The following OTUB2 variants were observed in gnomAD, a reference collection of about 807,000 sequenced individuals.
OTUB2 encodes OTU deubiquitinase, ubiquitin aldehyde binding 2.
A neutral mutation model predicts 25.1 loss-of-function variants in OTUB2; 21 were observed. The observed-to-expected ratio is 0.84, with a 90% confidence interval of 0.59 to 1.21. The LOEUF (loss-of-function observed/expected upper bound fraction) is 1.21. Among genes scored for constraint, OTUB2 ranks in the 50% most tolerant of loss-of-function variants. The pLI, the probability that OTUB2 is intolerant of heterozygous loss-of-function variation, is 0.00. For missense variants in OTUB2, 283 were observed against 298.0 expected (o/e 0.95, Z 0.37); for synonymous variants, 122 against 122.8 (o/e 0.99, Z 0.04).
chr14:94,041,932 C>T (rs200253389), intron 3 of OTUB2, among the ~76,000 whole-genome samples: 1 of 42,506 alleles, frequency 2.4e-5, no homozygotes, highest in African/African-American at 1.5e-4. Context: ...GGAACACTGA[C>T]CTGGGGTGTT....
chr14:94,044,170 T>C (rs939837080), intron 4 of OTUB2, 115 bp downstream of exon 4: 1 of 1,083,818 alleles, frequency 9.2e-7, no homozygotes, highest in Non-Finnish European at 1.4e-6. Context: ...GGACAGAGGG[T>C]TCCTTCCTGC....
chr14:94,038,246 G>A lies in OTUB2; in HGVS notation c.100-717G>A, dbSNP rs562213701. Among the ~76,000 whole-genome samples the A allele has an allele frequency of 1.2e-3, 177 of 152,332 alleles. 1 individual carries two copies. The highest frequency in any genetic ancestry group is 3.8e-3 in the African/African-American group (160 of 41,572). ...CATCATGTGATCCGAACGCCGCTGC[G>A]GGGCACTTCCAGGGAAGGAGCTGGG... On this transcript the variant is annotated intron_variant, in intron 2 of 5. Coordinates refer to ENST00000203664, the MANE Select transcript of OTUB2 (RefSeq NM_023112.4).
At chr14:94,032,809 G>A (rs900119131) in intron 1 of OTUB2, among the ~76,000 whole-genome samples, 2 of 152,222 alleles carry the variant, frequency 1.3e-5, no homozygotes, top group African/African-American at 4.8e-5. Context: ...CAGGGACAAA[G>A]GAGAACAAAA....
chr14:94,031,698 C>T (rs1884966184), intron 1 of OTUB2, among the ~76,000 whole-genome samples: 1 of 152,158 alleles, frequency 6.6e-6, no homozygotes, highest in African/African-American at 2.4e-5. Flanking sequence ...TCTGCTAGTT[C>T]CCAGGGTTAC....
intron 1 of OTUB2, among the ~76,000 whole-genome samples, chr14:94,036,481 T>C (rs1272241304): frequency 6.6e-6 from 1 of 152,056 alleles, no homozygotes; most frequent in African/African-American, 2.4e-5. Context: ...CTGGGTGGGT[T>C]GGAGGCTAGA....
rs964002115 is a variant in OTUB2 at position 94,045,916 on chromosome 14, A to G, written c.699A>G (p.Lys233=). 5 of 1,613,942 alleles carry G rather than the reference A, an allele frequency of 3.1e-6. No homozygotes were observed. In the African/African-American group the frequency reaches 6.7e-5, roughly 22 times the overall value. ...SHYNILYAAD[K]H ...ACAACATCCTTTATGCAGCCGATAA[A>G]CATTGATTAATTTTAGGCCATGCAG... The change falls in exon 6 of 6, where the codon AAA becomes AAG. Residue 233 remains lysine (K), a synonymous_variant. Transcript: ENST00000203664.
intron 5 of OTUB2, among the ~76,000 whole-genome samples, chr14:94,045,472 G>C (rs1885254106): frequency 6.6e-6 from 1 of 152,200 alleles, no homozygotes. Context: ...GTAACTACAA[G>C]GTCTAGAATG....
At chr14:94,043,294 G>A (rs1270649228) in intron 3 of OTUB2, among the ~76,000 whole-genome samples, 6 of 152,206 alleles carry the variant, frequency 3.9e-5, no homozygotes, top group Non-Finnish European at 8.8e-5. Context: ...AGTGTTCTGC[G>A]CCTGCCAGCT....
At chr14:94,038,870 G>T (rs1276015915) in intron 2 of OTUB2, 93 bp from the exon 3 acceptor site, 1 of 1,086,048 alleles carries the variant, frequency 9.2e-7, no homozygotes, top group Non-Finnish European at 1.4e-6. Context: ...ACATTTCCTG[G>T]GAGAGATGGG....
chr14:94,044,799 AG>A lies in OTUB2; in HGVS notation c.498+20del. On this transcript the variant is annotated intron_variant, in intron 5 of 5. Transcript: ENST00000203664. ...CACTCACGTAGGTGCTTGGGGTCTC[AG>A]CCCCAGCCCTGGGCTCTGCTCCTGT... 1.3e-6 allele frequency: 2 copies of A among 1,598,622 alleles called. No individual in the cohort carries two copies. Among genetic ancestry groups the A allele is most frequent in the Non-Finnish European group, 1.7e-6 (2 of 1,172,902 alleles).
At chr14:94,043,727 TGTC>T (rs1370284410) in intron 3 of OTUB2, among the ~76,000 whole-genome samples, 2 of 152,192 alleles carry the variant, frequency 1.3e-5, no homozygotes, top group Non-Finnish European at 2.9e-5. Context: ...CACACGCCCT[TGTC>T]GTATCGTCTT....
At chr14:94,029,576 C>G (rs1884921330) in intron 1 of OTUB2, among the ~76,000 whole-genome samples, 1 of 152,238 alleles carries the variant, frequency 6.6e-6, no homozygotes, top group Admixed American at 6.5e-5. Flanking sequence ...GAGGCCCACC[C>G]TACTCCAGTA....
At position 94,044,589 on chromosome 14, in the gene OTUB2, T is replaced by C. The variant is rs1885228501; in HGVS notation, c.307T>C (p.Tyr103His). 1.2e-6 allele frequency: 2 copies of C among 1,611,284 alleles called. No individual in the cohort carries two copies. The highest frequency in any genetic ancestry group is 2.2e-5 in the East Asian group (1 of 44,814). The change falls in exon 5 of 6, where the codon TAC (tyrosine) becomes CAC (histidine). Residue 103 changes from tyrosine (Y) to histidine (H), a missense_variant. Coordinates refer to ENST00000203664, the MANE Select transcript of OTUB2 (RefSeq NM_023112.4). ...GCTGAGGGCCGGGCGGGCGCAGTTTTACAGTGTGGTGGAACTGGTAGAGAA... is the reference window on the plus strand; with the variant it reads ...GCTGAGGGCCGGGCGGGCGCAGTTTCACAGTGTGGTGGAACTGGTAGAGAA... ...HKFRNFFNAFYSVVELVEKDG... is the reference protein window; with the variant it reads ...HKFRNFFNAFHSVVELVEKDG...
chr14:94,036,765 C>T (rs1157358008), intron 1 of OTUB2, among the ~76,000 whole-genome samples: 1 of 152,172 alleles, frequency 6.6e-6, no homozygotes, highest in Non-Finnish European at 1.5e-5. Flanking sequence ...AAGATGCCCT[C>T]CTGCCCTGTG....
chr14:94,039,027 C>T lies in OTUB2; in HGVS notation c.164C>T (p.Ala55Val), dbSNP rs1177423211. 1.2e-6 allele frequency: 2 copies of T among 1,614,092 alleles called. No individual in the cohort carries two copies. Among genetic ancestry groups the T allele is most frequent in the Non-Finnish European group, 8.5e-7 (1 of 1,180,046 alleles). The part of the protein sequence containing the change: ...TKGDGNCFYR[A>V]LGYSYLESLL... ...GGGGATGGGAACTGCTTCTACAGGG[C>T]CTTGGGCTATTCCTACCTGGAGTCC... The change falls in exon 3 of 6, where the codon GCC (alanine) becomes GTC (valine). Residue 55 changes from alanine to valine, a missense_variant. Coordinates refer to ENST00000203664, the MANE Select transcript of OTUB2 (RefSeq NM_023112.4).
In OTUB2 at chr14:94,038,976, G is replaced by T. The variant is rs892032401; in HGVS notation, c.113G>T (p.Arg38Met). Residue 38 changes from arginine to methionine, a missense_variant, in exon 3 of 6, where the codon AGG becomes ATG. Physicochemically the swap from Arg to Met is moderately conservative, Grantham distance 91. Coordinates refer to ENST00000203664, the MANE Select transcript of OTUB2 (RefSeq NM_023112.4). The part of the protein sequence containing the change: ...YRRKIEELSK[R>M]FTAIRKTKGD... ...TGTCCCCCTCAGGAACTCAGCAAAA[G>T]GTTCACCGCCATCCGCAAGACCAAA... is the stretch of plus-strand genomic sequence containing the variant. 2 of 1,614,218 alleles carry T rather than the reference G, an allele frequency of 1.2e-6. No homozygotes were observed. Among genetic ancestry groups the T allele is most frequent in the Admixed American group, 1.7e-5 (1 of 60,028 alleles).
rs1268016043 is a variant in OTUB2 at position 94,048,390 on chromosome 14, AC to A, written c.*2469del. On this transcript the variant is annotated 3_prime_UTR_variant, in exon 6 of 6. Coordinates refer to ENST00000203664, the MANE Select transcript of OTUB2 (RefSeq NM_023112.4). ...AGAAAGAGCACAGTCCCTGCTTTTG[AC>A]TGGGTTCCTATTTTAAGCACAAATG... The A allele has an allele frequency of 6.6e-6, 1 of 152,214 alleles. No individual in the cohort carries two copies. The highest frequency in any genetic ancestry group is 1.5e-5 in the Non-Finnish European group (1 of 68,040). The allele number at this position is 152,214 out of a possible 1,614,324, so 9.4% of individuals were successfully genotyped here. A position where few individuals can be genotyped will look rare whatever the true frequency, so the allele number is the denominator to read the frequency against.
chr14:94,045,799 G>C lies in OTUB2; in HGVS notation c.582G>C (p.Glu194Asp), dbSNP rs1885263516. 6.2e-7 allele frequency: 1 copy of C among 1,614,226 alleles called. No individual in the cohort carries two copies. Among genetic ancestry groups the C allele is most frequent in the East Asian group, 2.2e-5 (1 of 44,882 alleles). The change falls in exon 6 of 6, where the codon GAG (glutamate) becomes GAC (aspartate). Residue 194 changes from glutamate (E) to aspartate (D), a missense_variant. Glu to Asp is a conservative substitution (Grantham distance 45). Coordinates refer to ENST00000203664, the MANE Select transcript of OTUB2 (RefSeq NM_023112.4). ...SQALSIALQVEYVDEMDTALN... is the reference protein window; with the variant it reads ...SQALSIALQVDYVDEMDTALN... ...CCCTGAGCATTGCCCTGCAAGTGGA[G>C]TACGTGGACGAGATGGATACCGCCC... is the stretch of plus-strand genomic sequence containing the variant.
chr14:94,033,191 T>G (rs1884993073), intron 1 of OTUB2, among the ~76,000 whole-genome samples: 3 of 152,172 alleles, frequency 2.0e-5, no homozygotes, highest in African/African-American at 4.8e-5. Flanking sequence ...ATTACAGAGG[T>G]GAGCCACCGA....
Sources: allele counts gnomAD v4.1 joint callset (sites outside exome capture counted in the v4.1 genomes callset), GRCh38; gene constraint gnomAD v4.1.1; transcripts MANE v1.5; gene names NCBI Gene and HGNC (gene_info 2026-07-23, HGNC 2026-07-21).